Variants in VWF observed in about 807,000 individuals in gnomAD.
VWF encodes Factor VIII related antigen.
A neutral mutation model predicts 308.6 loss-of-function variants in VWF; 176 were observed. That is an observed-to-expected ratio of 0.57 (90% CI 0.50 to 0.65). The LOEUF is 0.65. VWF is among the 30% of genes least tolerant of loss of function. The pLI, the probability that VWF is intolerant of heterozygous loss-of-function variation, is 0.00. For synonymous variants in VWF, 1,385 were observed against 1,443.4 expected (o/e 0.96, Z 0.92); for missense variants, 3,146 against 3,648.2 (o/e 0.86, Z 3.55).
At chr12:5,980,082 AAAAGAAAGAAAGGAAGGAAGG>A (rs1182475750) in intron 42 of VWF, among the ~76,000 whole-genome samples, 19 of 109,616 alleles carry the variant, frequency 1.7e-4, no homozygotes, top group African/African-American at 7.5e-4. Context: ...AGAAAGAAAG[AAAAGAAAGAAAGGAAGGAAGG>A]AAGGAAGGAA....
intron 18 of VWF, among the ~76,000 whole-genome samples, chr12:6,042,475 C>T (rs1944406390): frequency 6.6e-6 from 1 of 152,200 alleles, no homozygotes; most frequent in Non-Finnish European, 1.5e-5. Flanking sequence ...CGCTGCGCAC[C>T]CTTAATAAAT....
chr12:6,062,749 G>A (rs975738044), intron 13 of VWF, among the ~76,000 whole-genome samples: 1 of 152,122 alleles, frequency 6.6e-6, no homozygotes, highest in Non-Finnish European at 1.5e-5. Context: ...AGCCCAGCAG[G>A]AAGAATCCCC....
At chr12:6,105,019 A>G (rs1170022996) in intron 5 of VWF, among the ~76,000 whole-genome samples, 1 of 152,224 alleles carries the variant, frequency 6.6e-6, no homozygotes, top group East Asian at 1.9e-4. Context: ...ACATGTTCTC[A>G]CCAAAAAGTG....
In VWF at chr12:6,029,370, A is replaced by G; in HGVS notation, c.2939T>C (p.Ile980Thr). Residue 980 changes from isoleucine to threonine, a missense_variant, in exon 22 of 52, where the codon ATC (isoleucine) becomes ACC (threonine). Transcript: ENST00000261405. Reference sequence around the variant, plus strand: ...GTATGTCTGCTTCAGGACCACGGAGATGCTCAGGTGGCGGTCCCAGACCAC... The same window carrying G: ...GTATGTCTGCTTCAGGACCACGGAGGTGCTCAGGTGGCGGTCCCAGACCAC... ...LSVVWDRHLS[I>T]SVVLKQTYQE... 1 of 1,614,184 alleles carries G rather than the reference A, an allele frequency of 6.2e-7. No homozygotes were observed. Among genetic ancestry groups the G allele is most frequent in the South Asian group, 1.1e-5 (1 of 91,084 alleles).
At chr12:5,977,036 C>G (rs1385553362) in intron 42 of VWF, among the ~76,000 whole-genome samples, 2 of 152,290 alleles carry the variant, frequency 1.3e-5, no homozygotes, top group African/African-American at 2.4e-5. Flanking sequence ...AATAGCAGTT[C>G]AAACATTTTG....
chr12:6,057,996 T>C lies in VWF; in HGVS notation c.1582A>G (p.Asn528Asp), dbSNP rs1251285196. 1.9e-6 allele frequency: 3 copies of C among 1,613,324 alleles called. No homozygotes were observed. The highest frequency in any genetic ancestry group is 2.2e-5 in the South Asian group (2 of 91,096). ...AGGAAGTCGTCGCCCTGGTTGCCATTGTAATTCCCACACAGGCCGCAGGTC... is the reference window on the plus strand; with the variant it reads ...AGGAAGTCGTCGCCCTGGTTGCCATCGTAATTCCCACACAGGCCGCAGGTC... Reference protein sequence around the residue: ...GKTCGLCGNYNGNQGDDFLTP... With the variant: ...GKTCGLCGNYDGNQGDDFLTP... Residue 528 changes from asparagine to aspartate, a missense_variant, in exon 14 of 52, where the codon AAT becomes GAT. Asn to Asp is a conservative substitution (Grantham distance 23, BLOSUM62 1). Transcript: ENST00000261405.
chr12:5,990,867 C>CAAAAAAA (rs1943732036), intron 38 of VWF, among the ~76,000 whole-genome samples: 1 of 36,228 alleles, frequency 2.8e-5, no homozygotes, highest in Non-Finnish European at 5.0e-5. Flanking sequence ...TCCCATAGAG[C>CAAAAAAA]TAAAAAAAAA....
In VWF at chr12:5,949,870, C is replaced by T. The variant is rs1943161173; in HGVS notation, c.8169G>A (p.Glu2723=). The part of the protein sequence containing the change: ...GTCCDTCEEP[E]CNDITARLQY... ...GCAGCCTGGCAGTGATGTCGTTGCA[C>T]TCAGGCTCCTCACCTACAGGACAGG... The change falls in exon 51 of 52, where the codon GAG becomes GAA. Residue 2723 remains glutamate (E), a synonymous_variant. Transcript: ENST00000261405. 2 of 1,613,548 alleles carry T rather than the reference C, an allele frequency of 1.2e-6. No individual in the cohort carries two copies. The highest frequency in any genetic ancestry group is 1.7e-5 in the Admixed American group (1 of 60,010).
chr12:6,088,495 G>A (rs1209296657), intron 6 of VWF, among the ~76,000 whole-genome samples: 4 of 126,328 alleles, frequency 3.2e-5, no homozygotes, highest in Admixed American at 7.3e-5. Context: ...AAAAAAAAGC[G>A]AGAGAGAGAG....
intron 10 of VWF, 103 bp from the exon 11 acceptor site, chr12:6,065,376 C>T (rs987709955): frequency 8.9e-6 from 13 of 1,461,674 alleles, no homozygotes; most frequent in African/African-American, 1.4e-5. Flanking sequence ...TTCCCCAAAA[C>T]TGCATGGACG....
In VWF at chr12:5,993,906, C is replaced by A; in HGVS notation, c.6554G>T (p.Arg2185Leu). 1 of 1,613,714 alleles carries A rather than the reference C, an allele frequency of 6.2e-7. No homozygotes were observed. The highest frequency in any genetic ancestry group is 1.3e-5 in the African/African-American group (1 of 74,882). ...CCAGTCAACGCAGACCCCGTTGGTC[C>A]GACAGAGGTGGGCATAAGAGGCGAT... ...EVIASYAHLC[R>L]TNGVCVDWRT... The change falls in exon 37 of 52, where the codon CGG (arginine) becomes CTG (leucine). Residue 2185 changes from arginine to leucine, a missense_variant. Physicochemically the swap from Arg to Leu is moderately radical, Grantham distance 102 (BLOSUM62 -2). This residue lies in a region of VWF where 989 missense variants were observed against 1,117.4 expected (regional missense o/e 0.89). Transcript: ENST00000261405.
intron 28 of VWF, 90 bp from the exon 29 acceptor site, chr12:6,016,960 G>A: frequency 7.0e-7 from 1 of 1,425,958 alleles, no homozygotes; most frequent in Non-Finnish European, 9.8e-7. Context: ...AGGATCTGCA[G>A]GGCGTGCTGA....
intron 41 of VWF, 150 bp from the exon 42 acceptor site, chr12:5,982,141 T>A: frequency 1.4e-6 from 1 of 707,498 alleles, no homozygotes; most frequent in Non-Finnish European, 2.4e-6. Context: ...AGTTATTCAA[T>A]GTTACCAAAA....
At chr12:6,081,529 G>A (rs1277960409) in intron 6 of VWF, among the ~76,000 whole-genome samples, 4 of 152,066 alleles carry the variant, frequency 2.6e-5, no homozygotes, top group African/African-American at 7.2e-5. Context: ...TAGTACAGAC[G>A]GAGTTTCACC....
chr12:6,112,123 T>C (rs1294273635), intron 3 of VWF, among the ~76,000 whole-genome samples: 1 of 152,122 alleles, frequency 6.6e-6, no homozygotes, highest in Non-Finnish European at 1.5e-5. Flanking sequence ...TCAAACGCCT[T>C]ACACAGCACA....
chr12:5,992,622 A>C (rs1023144703), intron 37 of VWF, among the ~76,000 whole-genome samples: 2 of 152,158 alleles, frequency 1.3e-5, no homozygotes, highest in African/African-American at 4.8e-5. Context: ...TTGAATACAT[A>C]TGTCTTTTAT....
At chr12:6,059,298 T>C (rs1036661280) in intron 13 of VWF, among the ~76,000 whole-genome samples, 2 of 152,212 alleles carry the variant, frequency 1.3e-5, no homozygotes, top group South Asian at 2.1e-4. Context: ...TTCCGATCTA[T>C]AATATAATTT....
At position 5,993,741 on chromosome 12, in the gene VWF, G is replaced by A. The variant is rs10849376; in HGVS notation, c.6598+121C>T. ...TATTTGATCCTAACTGGAATCCCAG[G>A]TCATACGAAATACAGGGATTTTCAT... On this transcript the variant is annotated intron_variant, in intron 37 of 51. Coordinates refer to ENST00000261405, the MANE Select transcript of VWF (RefSeq NM_000552.5). 0.088 allele frequency: 74,150 copies of A among 846,974 alleles called. 3,940 individuals carry two copies. The highest frequency in any genetic ancestry group is 0.22 in the East Asian group (8,191 of 37,882). The allele number at this position is 846,974 out of a possible 1,614,324, so 52.5% of individuals were successfully genotyped here.
At chr12:6,069,095 G>A (rs903925554) in intron 10 of VWF, among the ~76,000 whole-genome samples, 19 of 151,436 alleles carry the variant, frequency 1.3e-4, no homozygotes, top group Non-Finnish European at 1.6e-4. Context: ...GGGCTCAAGC[G>A]CTCTGCCCAC....
Sources: gnomAD v4.1 joint callset for allele counts (sites outside exome capture counted in the v4.1 genomes callset) on GRCh38, gnomAD v4.1.1 for gene constraint, gnomAD v4.1.1 regional missense constraint, MANE v1.5 for transcripts, NCBI Gene and HGNC (gene_info 2026-07-23, HGNC 2026-07-21) for gene names.